The following ZMYM2 variants were observed in gnomAD, a reference collection of about 807,000 sequenced individuals.
ZMYM2 encodes zinc finger MYM-type protein 2.
A neutral mutation model predicts 162.8 loss-of-function variants in ZMYM2; 56 were observed. The observed-to-expected ratio is 0.34, with a 90% CI of 0.28 to 0.43. The LOEUF is 0.43. Ranked by LOEUF, ZMYM2 falls within the 20% of genes least tolerant of loss-of-function variation. The probability of loss-of-function intolerance (pLI) is 1.00; values close to 1 mark genes in which losing one functional copy is unlikely to be tolerated. For missense variants in ZMYM2, 1,275 were observed against 1,621.8 expected (o/e 0.79, Z 3.67); for synonymous variants, 510 against 541.6 (o/e 0.94, Z 0.81).
chr13:20,085,871 T>C lies in ZMYM2; in HGVS notation c.3991T>C (p.Cys1331Arg). The change falls in exon 25 of 25, where the codon TGC becomes CGC. Residue 1331 changes from cysteine (C) to arginine (R), a missense_variant. Coordinates refer to ENST00000610343, the MANE Select transcript of ZMYM2 (RefSeq NM_197968.4). ...GGATGTTTTTTATTTGCAACCAGAA[T>C]GCTCTAGTTCTACAGATAGCCCTGT... ...RMDVFYLQPE[C>R]SSSTDSPVWY... The C allele has an allele frequency of 6.2e-7, 1 of 1,612,772 alleles. No individual in the cohort carries two copies. Among genetic ancestry groups the C allele is most frequent in the Non-Finnish European group, 8.5e-7 (1 of 1,179,232 alleles).
At chr13:20,061,539 A>G (rs140126545) in intron 17 of ZMYM2, among the ~76,000 whole-genome samples, 1 of 152,254 alleles carries the variant, frequency 6.6e-6, no homozygotes, top group African/African-American at 2.4e-5. Context: ...AGTAGACTCT[A>G]ATGATGATCA....
At chr13:19,931,147 A>T in the ZMYM2 span, among the ~76,000 whole-genome samples, 9 of 147,218 alleles carry the variant, frequency 6.1e-5, no homozygotes, top group South Asian at 4.2e-4. Flanking sequence ...TCAAAAAAAA[A>T]AATAATAATA....
chr13:20,032,166 C>T lies in ZMYM2; in HGVS notation c.1968+731C>T, dbSNP rs749382168. 1.3e-3 allele frequency among the ~76,000 whole-genome samples: 191 copies of T among 152,258 alleles called. 1 individual carries two copies. The highest frequency in any genetic ancestry group is 2.0e-3 in the Non-Finnish European group (135 of 67,998). On this transcript the variant is annotated intron_variant, in intron 10 of 24. Coordinates refer to ENST00000610343, the MANE Select transcript of ZMYM2 (RefSeq NM_197968.4). ...GATTACAGGCATGAGCCACCATGCC[C>T]GGCCATAATTGTGTTTTAATAAAAC...
chr13:19,953,734 C>G (rs1954469791), upstream of ZMYM2, among the ~76,000 whole-genome samples: 1 of 145,916 alleles, frequency 6.9e-6, no homozygotes, highest in Non-Finnish European at 1.5e-5. Flanking sequence ...TTTGAGATTA[C>G]TCTCAGTTTC....
chr13:19,871,660 G>C, the ZMYM2 span, among the ~76,000 whole-genome samples: 1 of 152,068 alleles, frequency 6.6e-6, no homozygotes, highest in East Asian at 1.9e-4. Context: ...ATAAAGTCAT[G>C]CAGAAAAAAA....
At chr13:20,055,846 A>C (rs1370089359) in intron 14 of ZMYM2, among the ~76,000 whole-genome samples, 2 of 152,076 alleles carry the variant, frequency 1.3e-5, no homozygotes, top group South Asian at 2.1e-4. Flanking sequence ...ACAACAGGTT[A>C]ATCGGGGTTA....
intron 6 of ZMYM2, among the ~76,000 whole-genome samples, chr13:20,015,623 C>T (rs532977427): frequency 2.6e-5 from 4 of 152,118 alleles, no homozygotes; most frequent in South Asian, 2.1e-4. Context: ...TCTCCTTTTA[C>T]GTCTGTTAAT....
intron 6 of ZMYM2, among the ~76,000 whole-genome samples, chr13:20,010,534 T>C (rs1951087677): frequency 6.6e-6 from 1 of 152,178 alleles, no homozygotes; most frequent in Admixed American, 6.6e-5. Flanking sequence ...TGTTGGCCAT[T>C]TGTGTATCAT....
chr13:19,909,638 T>C, the ZMYM2 span, among the ~76,000 whole-genome samples: 4 of 151,750 alleles, frequency 2.6e-5, no homozygotes, highest in Non-Finnish European at 5.9e-5. Flanking sequence ...TCACCACTTT[T>C]CCCAGGCTGG....
chr13:19,921,590 G>A, the ZMYM2 span, among the ~76,000 whole-genome samples: 1 of 151,596 alleles, frequency 6.6e-6, no homozygotes, highest in Non-Finnish European at 1.5e-5. Flanking sequence ...TGTGATATTC[G>A]CTATTGATTA....
chr13:19,916,239 T>C, the ZMYM2 span, among the ~76,000 whole-genome samples: 1 of 152,070 alleles, frequency 6.6e-6, no homozygotes, highest in South Asian at 2.1e-4. Context: ...TGTGGAGAAA[T>C]AGGAACGCTT....
the ZMYM2 span, among the ~76,000 whole-genome samples, chr13:19,923,923 G>A: frequency 1.3e-5 from 2 of 151,902 alleles, no homozygotes; most frequent in African/African-American, 2.4e-5. Context: ...CACCCACCTC[G>A]GCCTCACAAA....
the ZMYM2 span, among the ~76,000 whole-genome samples, chr13:19,914,051 G>A: frequency 6.6e-6 from 1 of 151,676 alleles, no homozygotes; most frequent in Non-Finnish European, 1.5e-5. Context: ...CATTTTGTTA[G>A]AAGGAGAAAT....
chr13:20,018,338 A>C (rs1951789026), intron 6 of ZMYM2, among the ~76,000 whole-genome samples: 1 of 152,182 alleles, frequency 6.6e-6, no homozygotes, highest in Non-Finnish European at 1.5e-5. Context: ...TTAGTTAAAT[A>C]AATAGGTGGG....
chr13:19,913,139 T>C, the ZMYM2 span, among the ~76,000 whole-genome samples: 1 of 152,160 alleles, frequency 6.6e-6, no homozygotes, highest in African/African-American at 2.4e-5. Flanking sequence ...ATCTGGAGCC[T>C]TTGGCGGGCC....
the ZMYM2 span, among the ~76,000 whole-genome samples, chr13:19,899,836 A>AAAG: frequency 0.11 from 13,241 of 119,450 alleles, 956 homozygotes; most frequent in African/African-American, 0.19. Context: ...AAAAAAAAAA[A>AAAG]AAGGAAAACA....
chr13:20,023,729 A>G (rs948046517), intron 7 of ZMYM2, among the ~76,000 whole-genome samples: 5 of 152,216 alleles, frequency 3.3e-5, no homozygotes, highest in African/African-American at 1.2e-4. Context: ...TATAGGACGC[A>G]TATAAATTTG....
At chr13:19,958,709 C>G (rs965227754), upstream of ZMYM2, 1 of 154,632 alleles carries the variant, frequency 6.5e-6, no homozygotes, top group Non-Finnish European at 1.4e-5. Flanking sequence ...TCGGCCGCGC[C>G]GCCGCCTCCT....
At chr13:19,923,019 T>C in the ZMYM2 span, among the ~76,000 whole-genome samples, 3 of 98,430 alleles carry the variant, frequency 3.0e-5, no homozygotes, top group African/African-American at 7.8e-5. Flanking sequence ...CGAGACTCCA[T>C]CTCAAAAAAA....
Sources: gnomAD v4.1 joint callset for allele counts (sites outside exome capture counted in the v4.1 genomes callset) on GRCh38, gnomAD v4.1.1 for gene constraint, MANE v1.5 for transcripts, NCBI Gene and HGNC (gene_info 2026-07-23, HGNC 2026-07-21) for gene names.